The following SAMD12 variants were observed in gnomAD, a reference collection of about 807,000 sequenced individuals.
SAMD12 encodes sterile alpha motif domain containing 12.
A neutral mutation model predicts 15.0 loss-of-function variants in SAMD12; 9 were observed. The ratio of observed to expected loss-of-function variants is 0.60; its 90% CI spans 0.36 to 1.05. The LOEUF (loss-of-function observed/expected upper bound fraction) is 1.05, where lower values mean the gene tolerates loss of function less well. Ranked by LOEUF, SAMD12 falls within the 50% of genes least tolerant of loss-of-function variation. The probability of loss-of-function intolerance (pLI) is 0.01; values close to 1 mark genes in which losing one functional copy is unlikely to be tolerated. For synonymous variants in SAMD12, 86 were observed against 90.1 expected, an observed-to-expected ratio of 0.96 and a Z score of 0.25; for missense variants, 230 against 234.2, an observed-to-expected ratio of 0.98 and a Z score of 0.12.
intron 2 of SAMD12, among the ~76,000 whole-genome samples, chr8:118,573,771 C>T (rs1827080893): frequency 6.6e-6 from 1 of 152,100 alleles, no homozygotes; most frequent in Non-Finnish European, 1.5e-5. Context: ...CTAAAGATAA[C>T]CAAATAACTA....
At chr8:118,532,682 C>A (rs181653704) in intron 2 of SAMD12, among the ~76,000 whole-genome samples, 50 of 152,076 alleles carry the variant, frequency 3.3e-4, no homozygotes, top group Non-Finnish European at 5.6e-4. Context: ...TGTATGTGTC[C>A]AGGAATTTAT....
chr8:118,177,329 C>T, the SAMD12 span, among the ~76,000 whole-genome samples: 1 of 151,740 alleles, frequency 6.6e-6, no homozygotes, highest in Non-Finnish European at 1.5e-5. Context: ...CAGCCTCTAC[C>T]TCCTGGGCTC....
intron 1 of SAMD12, among the ~76,000 whole-genome samples, chr8:118,620,493 G>A (rs1828368673): frequency 1.3e-5 from 2 of 151,548 alleles, no homozygotes; most frequent in African/African-American, 4.9e-5. Flanking sequence ...GTAAGAGAGA[G>A]AGAGGATTTC....
chr8:118,539,369 A>G (rs1460025412), intron 2 of SAMD12, among the ~76,000 whole-genome samples: 1 of 152,208 alleles, frequency 6.6e-6, no homozygotes, highest in Non-Finnish European at 1.5e-5. Context: ...TAATTACCCT[A>G]GAAGAAGAGT....
At chr8:118,478,000 C>T (rs1300272500) in intron 2 of SAMD12, among the ~76,000 whole-genome samples, 12 of 122,752 alleles carry the variant, frequency 9.8e-5, no homozygotes, top group Middle Eastern at 6.3e-3. Flanking sequence ...GGTGACAGAG[C>T]GAGACCCTGT....
At chr8:118,558,717 C>A (rs1024805917) in intron 2 of SAMD12, among the ~76,000 whole-genome samples, 2 of 152,150 alleles carry the variant, frequency 1.3e-5, no homozygotes, top group Non-Finnish European at 2.9e-5. Flanking sequence ...TGCCACCACG[C>A]CCGGCTAATT....
chr8:118,180,516 T>A, the SAMD12 span, among the ~76,000 whole-genome samples: 2 of 151,756 alleles, frequency 1.3e-5, no homozygotes, highest in Non-Finnish European at 2.9e-5. Context: ...GGGCTATGGC[T>A]GTGAGTGTTT....
At chr8:118,302,587 G>C (rs149555704) in intron 4 of SAMD12, among the ~76,000 whole-genome samples, 1 of 152,166 alleles carries the variant, frequency 6.6e-6, no homozygotes, top group Non-Finnish European at 1.5e-5. Context: ...ACTTTCCACT[G>C]TAACTAATAC....
At chr8:118,178,110 A>G in the SAMD12 span, among the ~76,000 whole-genome samples, 5 of 140,138 alleles carry the variant, frequency 3.6e-5, no homozygotes, top group Non-Finnish European at 1.6e-5. Context: ...GTATTTTCTT[A>G]TGTTTTTCTT....
At chr8:118,275,757 A>G (rs918877302) in intron 4 of SAMD12, among the ~76,000 whole-genome samples, 1 of 152,102 alleles carries the variant, frequency 6.6e-6, no homozygotes, top group African/African-American at 2.4e-5. Context: ...AGCCATTTCT[A>G]TGTTCATGAG....
intron 2 of SAMD12, among the ~76,000 whole-genome samples, chr8:118,507,042 A>T (rs1000156436): frequency 6.6e-6 from 1 of 152,084 alleles, no homozygotes; most frequent in African/African-American, 2.4e-5. Context: ...GGAACATAAG[A>T]CATTCTGTGT....
intron 4 of SAMD12, among the ~76,000 whole-genome samples, chr8:118,321,686 A>G (rs1563762141): frequency 6.6e-6 from 1 of 152,178 alleles, no homozygotes; most frequent in Non-Finnish European, 1.5e-5. Context: ...GCAGTATGAC[A>G]GCATAATGCA....
the SAMD12 span, among the ~76,000 whole-genome samples, chr8:118,173,329 G>A: frequency 0.043 from 6,486 of 152,192 alleles, 259 homozygotes; most frequent in Non-Finnish European, 0.058. Context: ...CTTTATGGAG[G>A]TGGAGAGCAG....
intron 2 of SAMD12, among the ~76,000 whole-genome samples, chr8:118,507,322 G>A (rs1824948428): frequency 6.6e-6 from 1 of 151,868 alleles, no homozygotes; most frequent in South Asian, 2.1e-4. Flanking sequence ...ACTTTACCAT[G>A]TATTAAATTA....
intron 2 of SAMD12, among the ~76,000 whole-genome samples, chr8:118,443,418 A>G (rs1822814031): frequency 6.6e-6 from 1 of 152,286 alleles, no homozygotes; most frequent in Non-Finnish European, 1.5e-5. Context: ...AGATCGTGCC[A>G]TTGTACACCA....
At chr8:118,189,207 G>T (rs1412407209), downstream of SAMD12, among the ~76,000 whole-genome samples, 3 of 152,078 alleles carry the variant, frequency 2.0e-5, no homozygotes, top group African/African-American at 7.2e-5. Flanking sequence ...GGGATTTGGT[G>T]CTGGGGGAAT....
intron 4 of SAMD12, among the ~76,000 whole-genome samples, chr8:118,285,748 G>A (rs919485193): frequency 5.3e-5 from 8 of 152,180 alleles, no homozygotes; most frequent in Non-Finnish European, 1.0e-4. Context: ...CTATTGAACA[G>A]ACTGAATAGG....
intron 3 of SAMD12, among the ~76,000 whole-genome samples, chr8:118,404,936 A>G (rs954065349): frequency 1.2e-4 from 19 of 152,176 alleles, no homozygotes; most frequent in African/African-American, 4.6e-4. Flanking sequence ...TGTTGGGGCT[A>G]CAGGCATGAA....
chr8:118,308,855 T>C (rs527564754), intron 4 of SAMD12, among the ~76,000 whole-genome samples: 2 of 152,068 alleles, frequency 1.3e-5, no homozygotes, highest in Non-Finnish European at 2.9e-5. Context: ...CCTATAAATG[T>C]TCTTAAAATT....
Sources: gnomAD v4.1 joint callset for allele counts (sites outside exome capture counted in the v4.1 genomes callset) on GRCh38, gnomAD v4.1.1 for gene constraint, MANE v1.5 for transcripts, NCBI Gene and HGNC (gene_info 2026-07-23, HGNC 2026-07-21) for gene names.